The following MAPK10 variants were observed in gnomAD, a reference collection of about 807,000 sequenced individuals.
MAPK10 encodes the protein JNK3 alpha protein kinase.
In MAPK10, 25 loss-of-function variants were observed where a neutral mutation model predicts 59.3. That is an observed-to-expected ratio of 0.42 (90% CI 0.31 to 0.59). The LOEUF (loss-of-function observed/expected upper bound fraction) is 0.59, where lower values mean the gene tolerates loss of function less well. Among genes scored for constraint, MAPK10 ranks in the 20% least tolerant of loss-of-function variants. The pLI is 0.15. For missense variants in MAPK10, 351 were observed against 568.9 expected (o/e 0.62, Z 3.90); for synonymous variants, 190 against 200.5 (o/e 0.95, Z 0.44).
At chr4:86,338,371 C>T (rs1247147490) in intron 2 of MAPK10, among the ~76,000 whole-genome samples, 1 of 152,196 alleles carries the variant, frequency 6.6e-6, no homozygotes, top group African/African-American at 2.4e-5. Context: ...GTAGAACGCC[C>T]CTTTTGTCTT....
intron 2 of MAPK10, chr4:86,326,550 A>C (rs999959971): frequency 2.6e-5 from 4 of 152,194 alleles, no homozygotes; most frequent in African/African-American, 9.7e-5. Flanking sequence ...CTGAAAAAAG[A>C]ATGTGTCTTA....
chr4:86,064,151 C>T, intron 11 of MAPK10, 115 bp downstream of exon 11: 1 of 1,328,878 alleles, frequency 7.5e-7, no homozygotes, highest in East Asian at 2.3e-5. Context: ...AGGCTTTGGA[C>T]TTAGAAATTT....
chr4:86,407,186 A>G (rs1744466398), intron 1 of MAPK10, among the ~76,000 whole-genome samples: 1 of 152,196 alleles, frequency 6.6e-6, no homozygotes, highest in South Asian at 2.1e-4. Flanking sequence ...CTTATTTGCC[A>G]GGCTTTGTAT....
At chr4:86,135,116 C>T (rs1290855303) in intron 4 of MAPK10, among the ~76,000 whole-genome samples, 1 of 152,216 alleles carries the variant, frequency 6.6e-6, no homozygotes, top group Non-Finnish European at 1.5e-5. Flanking sequence ...GGGAGGGGCG[C>T]CCGCCATTGC....
At chr4:86,170,264 GCAAATTGGATAAACAGT>G (rs746063792) in intron 3 of MAPK10, among the ~76,000 whole-genome samples, 29 of 152,168 alleles carry the variant, frequency 1.9e-4, no homozygotes, top group Admixed American at 3.3e-4. Context: ...ACACAGACTG[GCAAATTGGATAAACAGT>G]CAAGACCCAT....
intron 2 of MAPK10, among the ~76,000 whole-genome samples, chr4:86,228,760 G>A (rs745746647): frequency 6.7e-6 from 1 of 149,754 alleles, no homozygotes; most frequent in Non-Finnish European, 1.5e-5. Context: ...ACTTTACATA[G>A]TAGTCATTAA....
chr4:86,263,508 C>A (rs2094103538), intron 2 of MAPK10, among the ~76,000 whole-genome samples: 1 of 152,136 alleles, frequency 6.6e-6, no homozygotes, highest in Non-Finnish European at 1.5e-5. Context: ...TCCAACAAGA[C>A]CTTGCTTTAC....
intron 1 of MAPK10, among the ~76,000 whole-genome samples, chr4:86,359,261 T>TCC (rs1239537712): frequency 3.0e-4 from 35 of 115,366 alleles, no homozygotes; most frequent in African/African-American, 5.9e-4. Context: ...TGTTTTTTTT[T>TCC]TCCTCTCTCT....
intron 11 of MAPK10, chr4:86,044,583 T>C: frequency 2.5e-6 from 1 of 393,820 alleles, no homozygotes; most frequent in Admixed American, 4.4e-5. Flanking sequence ...CTTGGTAGAA[T>C]ACAATGATTT....
intron 1 of MAPK10, among the ~76,000 whole-genome samples, chr4:86,535,234 A>C (rs1758142963): frequency 1.3e-5 from 2 of 152,336 alleles, no homozygotes; most frequent in Admixed American, 1.3e-4. Flanking sequence ...CCAAAGCCAG[A>C]AAGTTCCAGA....
At chr4:86,052,599 G>A (rs1160326249) in intron 11 of MAPK10, among the ~76,000 whole-genome samples, 1 of 152,120 alleles carries the variant, frequency 6.6e-6, no homozygotes, top group Non-Finnish European at 1.5e-5. Context: ...CCTCCTGTGT[G>A]CATCTCTAGA....
intron 4 of MAPK10, among the ~76,000 whole-genome samples, chr4:86,145,437 G>A (rs1443220628): frequency 5.3e-5 from 8 of 151,376 alleles, no homozygotes; most frequent in Non-Finnish European, 7.4e-5. Context: ...ATATTATACA[G>A]CATACCAAAC....
chr4:86,313,314 CT>C (rs1246896835), intron 2 of MAPK10, among the ~76,000 whole-genome samples: 3 of 151,982 alleles, frequency 2.0e-5, no homozygotes, highest in African/African-American at 7.2e-5. Flanking sequence ...GAATTATGTC[CT>C]TGAGATAGGC....
At chr4:86,489,182 G>A (rs1579378600) in intron 1 of MAPK10, among the ~76,000 whole-genome samples, 1 of 152,168 alleles carries the variant, frequency 6.6e-6, no homozygotes, top group East Asian at 1.9e-4. Flanking sequence ...AGTAAACCCA[G>A]CTAAGCCGGG....
chr4:86,382,283 T>C (rs1740841019), intron 1 of MAPK10, among the ~76,000 whole-genome samples: 1 of 151,972 alleles, frequency 6.6e-6, no homozygotes, highest in African/African-American at 2.4e-5. Context: ...CATAACTCCT[T>C]ACCCCACACT....
rs1305377479 is a variant in MAPK10 at position 86,031,562 on chromosome 4, C to A, written c.1111-131G>T. The A allele has an allele frequency of 1.9e-5, 12 of 621,362 alleles. No individual in the cohort carries two copies. The East Asian group carries it at 3.4e-4, about 17-fold the overall frequency. The allele number at this position is 621,362 out of a possible 1,614,324, so 38.5% of individuals were successfully genotyped here. On this transcript the variant is annotated intron_variant, in intron 11 of 13. Transcript: ENST00000641462. ...CCGTATATAAGTTATGAGGAAATTA[C>A]AGTAGTTCAGAAGTTAAAATTTTCC...
intron 1 of MAPK10, among the ~76,000 whole-genome samples, chr4:86,559,360 G>C (rs1370253752): frequency 6.6e-6 from 1 of 151,694 alleles, no homozygotes; most frequent in African/African-American, 2.4e-5. Flanking sequence ...ATGCTATTGA[G>C]AGATATCTCT....
intron 1 of MAPK10, among the ~76,000 whole-genome samples, chr4:86,505,231 T>G (rs1755644648): frequency 6.6e-6 from 1 of 152,172 alleles, no homozygotes. Flanking sequence ...TGATAATTTA[T>G]TTTTAAGTTT....
chr4:86,266,499 A>C (rs2148758607), intron 2 of MAPK10, among the ~76,000 whole-genome samples: 1 of 152,360 alleles, frequency 6.6e-6, no homozygotes, highest in East Asian at 1.9e-4. Flanking sequence ...TTGTACAAAC[A>C]GGCTGGGATG....
Sources: allele counts gnomAD v4.1 joint callset (sites outside exome capture counted in the v4.1 genomes callset), GRCh38; gene constraint gnomAD v4.1.1; transcripts MANE v1.5; gene names NCBI Gene and HGNC (gene_info 2026-07-23, HGNC 2026-07-21).